GFRA2: variants seen among roughly 807,000 people sequenced by gnomAD.
GFRA2 encodes the protein GDNF family receptor alpha 2, also known as GDNF family receptor alpha-2.
Under a neutral mutation model 48.3 loss-of-function variants are expected in GFRA2, and 17 were observed. That is an observed-to-expected ratio of 0.35 (90% CI 0.24 to 0.53). GFRA2 has a LOEUF of 0.53. GFRA2 is among the 20% of genes least tolerant of loss of function. GFRA2 has a pLI of 0.93. For missense variants in GFRA2, 660 were observed against 637.3 expected, an observed-to-expected ratio of 1.04 and a Z score of -0.38; for synonymous variants, 305 against 257.2, an observed-to-expected ratio of 1.19 and a Z score of -1.78.
At chr8:21,753,808 T>C (rs906947693) in intron 3 of GFRA2, among the ~76,000 whole-genome samples, 5 of 152,256 alleles carry the variant, frequency 3.3e-5, no homozygotes, top group African/African-American at 9.6e-5. Flanking sequence ...ATGCATATTA[T>C]ATTTCCATCA....
chr8:21,727,384 G>T (rs1199971740), intron 4 of GFRA2, among the ~76,000 whole-genome samples: 1 of 152,118 alleles, frequency 6.6e-6, no homozygotes, highest in Non-Finnish European at 1.5e-5. Flanking sequence ...AGGATTGGGG[G>T]TCCCTCAAGT....
chr8:21,747,074 C>G (rs1033770438), intron 4 of GFRA2, among the ~76,000 whole-genome samples: 4 of 152,184 alleles, frequency 2.6e-5, no homozygotes, highest in African/African-American at 9.7e-5. Context: ...AGCTTTTGAG[C>G]GCACCCAGCC....
At chr8:21,766,394 C>T (rs2117667973) in intron 3 of GFRA2, among the ~76,000 whole-genome samples, 1 of 152,164 alleles carries the variant, frequency 6.6e-6, no homozygotes, top group East Asian at 1.9e-4. Context: ...GAGCAGCACC[C>T]GCCCATGTTG....
chr8:21,807,218 T>C (rs1223229604), intron 1 of GFRA2, among the ~76,000 whole-genome samples: 1 of 152,258 alleles, frequency 6.6e-6, no homozygotes, highest in Non-Finnish European at 1.5e-5. Context: ...AATGGATTAA[T>C]GTCATTATTG....
chr8:21,801,189 C>A (rs1326713747), intron 2 of GFRA2, among the ~76,000 whole-genome samples: 1 of 152,102 alleles, frequency 6.6e-6, no homozygotes, highest in East Asian at 1.9e-4. Context: ...CTGTCCACAC[C>A]TGATGCTCCA....
At chr8:21,799,265 T>C (rs1008470315) in intron 2 of GFRA2, among the ~76,000 whole-genome samples, 9 of 151,708 alleles carry the variant, frequency 5.9e-5, no homozygotes, top group African/African-American at 1.9e-4. Context: ...TCACCCAGGC[T>C]GGAGTGCAGT....
At chr8:21,704,394 C>A (rs1802637383) in intron 6 of GFRA2, among the ~76,000 whole-genome samples, 1 of 152,212 alleles carries the variant, frequency 6.6e-6, no homozygotes, top group African/African-American at 2.4e-5. Context: ...CCGTCAGGCA[C>A]CTCCTCGATG....
At chr8:21,787,992 G>C (rs1162029728) in intron 1 of GFRA2, 128 bp downstream of exon 1, 5 of 493,312 alleles carry the variant, frequency 1.0e-5, no homozygotes, top group African/African-American at 2.1e-5. Context: ...CGCCAGCACC[G>C]GGCCCGGCTA....
At chr8:21,732,092 C>G (rs1008209214) in intron 4 of GFRA2, among the ~76,000 whole-genome samples, 3 of 152,232 alleles carry the variant, frequency 2.0e-5, no homozygotes, top group Non-Finnish European at 4.4e-5. Flanking sequence ...AACATGCCAG[C>G]GGGCCAAGAG....
intron 1 of GFRA2, among the ~76,000 whole-genome samples, chr8:21,810,897 T>A (rs1054065453): frequency 2.0e-5 from 3 of 152,100 alleles, no homozygotes; most frequent in Non-Finnish European, 4.4e-5. Context: ...CCTATGGGTA[T>A]AAAGGAAGTC....
At chr8:21,786,704 C>T (rs1291175694) in intron 1 of GFRA2, among the ~76,000 whole-genome samples, 1 of 152,248 alleles carries the variant, frequency 6.6e-6, no homozygotes, top group South Asian at 2.1e-4. Flanking sequence ...CTTGGGGACT[C>T]GCACCTGGCG....
intron 2 of GFRA2, among the ~76,000 whole-genome samples, chr8:21,803,331 C>T (rs1336902923): frequency 1.3e-5 from 2 of 152,154 alleles, no homozygotes; most frequent in Non-Finnish European, 2.9e-5. Flanking sequence ...TCCTGTCTAG[C>T]AACAGTGGGA....
chr8:21,718,194 C>G (rs1276824279), intron 4 of GFRA2, among the ~76,000 whole-genome samples: 1 of 152,152 alleles, frequency 6.6e-6, no homozygotes, highest in Non-Finnish European at 1.5e-5. Flanking sequence ...CTTTCCCATG[C>G]TGTTGTCGTG....
chr8:21,745,175 G>C (rs1321463685), intron 4 of GFRA2, among the ~76,000 whole-genome samples: 3 of 152,278 alleles, frequency 2.0e-5, no homozygotes, highest in Non-Finnish European at 4.4e-5. Flanking sequence ...CACGCAGTGT[G>C]CCACACGGCG....
At chr8:21,699,525 T>C (rs1454568862) in intron 7 of GFRA2, among the ~76,000 whole-genome samples, 1 of 151,880 alleles carries the variant, frequency 6.6e-6, no homozygotes, top group African/African-American at 2.4e-5. Context: ...GGGCCCAGAG[T>C]AGCCCCAAGG....
At chr8:21,738,249 G>A (rs945565406) in intron 4 of GFRA2, among the ~76,000 whole-genome samples, 1 of 138,598 alleles carries the variant, frequency 7.2e-6, no homozygotes, top group Non-Finnish European at 1.5e-5. Context: ...CTTTTCTCAG[G>A]TGACAACATC....
Position 21,758,178 on chromosome 8 carries a change from G to A in GFRA2, c.440-7236C>T, listed in dbSNP as rs1805674767. Among the ~76,000 whole-genome samples, 4 of 149,158 alleles carry A rather than the reference G, an allele frequency of 2.7e-5. No homozygotes were observed. The South Asian group carries it at 8.5e-4, about 32-fold the overall frequency. On this transcript the variant is annotated intron_variant, in intron 3 of 8. Coordinates refer to ENST00000524240, the MANE Select transcript of GFRA2 (RefSeq NM_001495.5). ...AAACTGAGACCCAAAGCTTAGGGGAGGAGCAGGGCTGCCCTTGGCCCACTC... is the reference window on the plus strand; with the variant it reads ...AAACTGAGACCCAAAGCTTAGGGGAAGAGCAGGGCTGCCCTTGGCCCACTC...
chr8:21,759,939 G>A lies in GFRA2; in HGVS notation c.440-8997C>T, dbSNP rs1279185998. 2.6e-5 allele frequency among the ~76,000 whole-genome samples: 4 copies of A among 151,094 alleles called. No homozygotes were observed. In the East Asian group the frequency reaches 5.8e-4, roughly 22 times the overall value. On this transcript the variant is annotated intron_variant, in intron 3 of 8. Coordinates refer to ENST00000524240, the MANE Select transcript of GFRA2 (RefSeq NM_001495.5). ...CAGCAAATAAGAGAGGGGCCTTTCC[G>A]AGGAGGTGACATCAAGTTGAGGTAG...
intron 2 of GFRA2, among the ~76,000 whole-genome samples, chr8:21,777,357 C>T (rs751166494): frequency 4.5e-4 from 68 of 149,810 alleles, no homozygotes; most frequent in Middle Eastern, 3.4e-3. Context: ...CTGCATCTAG[C>T]GCAGCCATGG....
Sources: allele counts gnomAD v4.1 joint callset (sites outside exome capture counted in the v4.1 genomes callset), GRCh38; gene constraint gnomAD v4.1.1; transcripts MANE v1.5; gene names NCBI Gene and HGNC (gene_info 2026-07-23, HGNC 2026-07-21).